Variants in EGFR observed in about 807,000 individuals in gnomAD.
EGFR encodes avian erythroblastic leukemia viral (v-erb-b) oncogene homolog.
EGFR carries 58 observed loss-of-function variants against 143.0 expected under a neutral mutation model. That is an observed-to-expected ratio of 0.41 (90% confidence interval 0.33 to 0.50). The LOEUF (loss-of-function observed/expected upper bound fraction) is 0.50, where lower values mean the gene tolerates loss of function less well. Among genes scored for constraint, EGFR ranks in the 20% least tolerant of loss-of-function variants. The pLI is 0.39. For missense variants in EGFR, 1,307 were observed against 1,579.0 expected (o/e 0.83, Z 2.92); for synonymous variants, 613 against 594.4 (o/e 1.03, Z -0.45).
intron 16 of EGFR, among the ~76,000 whole-genome samples, chr7:55,171,460 C>T (rs775896184): frequency 6.6e-6 from 1 of 152,208 alleles, no homozygotes; most frequent in Non-Finnish European, 1.5e-5. Context: ...CTCCCTGCTC[C>T]GCCGTTGCTC....
intron 16 of EGFR, among the ~76,000 whole-genome samples, chr7:55,171,461 G>A (rs957337221): frequency 4.6e-5 from 7 of 152,220 alleles, no homozygotes; most frequent in South Asian, 4.1e-4. Context: ...TCCCTGCTCC[G>A]CCGTTGCTCG....
chr7:55,123,138 C>T (rs1447880123), intron 1 of EGFR, among the ~76,000 whole-genome samples: 1 of 152,194 alleles, frequency 6.6e-6, no homozygotes, highest in Non-Finnish European at 1.5e-5. Context: ...TATTGAAAAT[C>T]ATCTACCTAA....
At position 55,205,761 on chromosome 7, in the gene EGFR, C is replaced by A; in HGVS notation, c.*144C>A. 7.7e-7 allele frequency: 1 copy of A among 1,291,028 alleles called. No individual in the cohort carries two copies. The highest frequency in any genetic ancestry group is 1.1e-6 in the Non-Finnish European group (1 of 913,770). The allele number at this position is 1,291,028 out of a possible 1,614,324, so 80.0% of individuals were successfully genotyped here. The stretch of plus-strand genomic sequence containing the variant: ...TTTTGCAACGTTTACACCGACTAGC[C>A]AGGAAGTACTTCCACCTCGGGCACA... On this transcript the variant is annotated 3_prime_UTR_variant, in exon 28 of 28. Coordinates refer to ENST00000275493, the MANE Select transcript of EGFR (RefSeq NM_005228.5).
intron 1 of EGFR, 34 bp downstream of exon 1, chr7:55,019,399 C>T (rs920425547): frequency 8.9e-6 from 12 of 1,345,456 alleles, no homozygotes; most frequent in African/African-American, 4.5e-5. Flanking sequence ...CCGCGCCGCC[C>T]CCGGATCGCG....
intron 20 of EGFR, among the ~76,000 whole-genome samples, chr7:55,188,334 G>A (rs1294335807): frequency 6.6e-6 from 1 of 152,098 alleles, no homozygotes; most frequent in African/African-American, 2.4e-5. Context: ...GTGGGGTGCG[G>A]CAGCCCCTGG....
chr7:55,187,939 C>T (rs540517148), intron 20 of EGFR, among the ~76,000 whole-genome samples: 1 of 152,254 alleles, frequency 6.6e-6, no homozygotes, highest in East Asian at 1.9e-4. Context: ...TCACCTTCTC[C>T]CTAGCTGTGG....
At chr7:55,163,332 G>A (rs1785798415) in intron 13 of EGFR, among the ~76,000 whole-genome samples, 1 of 152,180 alleles carries the variant, frequency 6.6e-6, no homozygotes, top group Non-Finnish European at 1.5e-5. Flanking sequence ...TAACCATTGA[G>A]CGAGTTCATT....
At chr7:55,132,808 CA>C (rs1793929635) in intron 1 of EGFR, among the ~76,000 whole-genome samples, 1 of 152,202 alleles carries the variant, frequency 6.6e-6, no homozygotes, top group Non-Finnish European at 1.5e-5. Flanking sequence ...TCATCCTTAG[CA>C]GCTACCTTCG....
chr7:55,062,658 G>A (rs1165964207), intron 1 of EGFR, among the ~76,000 whole-genome samples: 3 of 152,110 alleles, frequency 2.0e-5, no homozygotes, highest in African/African-American at 4.8e-5. Context: ...ATTACTGCAC[G>A]TTCCCATCGC....
At chr7:55,137,501 A>G (rs1207572772) in intron 1 of EGFR, among the ~76,000 whole-genome samples, 2 of 152,204 alleles carry the variant, frequency 1.3e-5, no homozygotes, top group Non-Finnish European at 2.9e-5. Context: ...AACCAGAGGC[A>G]TTTAAAAACT....
At chr7:55,171,743 T>A (rs1259023011) in intron 16 of EGFR, among the ~76,000 whole-genome samples, 2 of 152,178 alleles carry the variant, frequency 1.3e-5, no homozygotes, top group African/African-American at 4.8e-5. Context: ...AAAGCAAGGT[T>A]GAAAAGTCTT....
intron 1 of EGFR, among the ~76,000 whole-genome samples, chr7:55,062,722 T>C (rs1177929548): frequency 2.6e-5 from 4 of 152,180 alleles, no homozygotes; most frequent in Non-Finnish European, 5.9e-5. Context: ...GTTTCCTTTT[T>C]TCCCCTCCCC....
chr7:55,165,124 G>A (rs1471337824), intron 14 of EGFR, among the ~76,000 whole-genome samples, 156 bp from the exon 15 acceptor site: 2 of 152,220 alleles, frequency 1.3e-5, no homozygotes, highest in African/African-American at 4.8e-5. Context: ...TCAAGCAGGT[G>A]CAATCACAGA....
chr7:55,159,841 C>T (rs1785609040), intron 11 of EGFR, among the ~76,000 whole-genome samples: 1 of 152,188 alleles, frequency 6.6e-6, no homozygotes, highest in Admixed American at 6.5e-5. Flanking sequence ...AATATGTTCT[C>T]AATTTCCAGG....
chr7:55,198,146 G>T (rs1369934957), intron 22 of EGFR, among the ~76,000 whole-genome samples: 1 of 152,058 alleles, frequency 6.6e-6, no homozygotes, highest in Non-Finnish European at 1.5e-5. Flanking sequence ...TGTTTTGGTT[G>T]GTAGGCTATT....
intron 1 of EGFR, among the ~76,000 whole-genome samples, chr7:55,130,178 G>A (rs1164843716): frequency 6.6e-6 from 1 of 152,152 alleles, no homozygotes; most frequent in Non-Finnish European, 1.5e-5. Flanking sequence ...CAGGCCTGGG[G>A]CAGTAAAGAG....
chr7:55,058,850 G>T (rs1288177228), intron 1 of EGFR, among the ~76,000 whole-genome samples: 1 of 152,108 alleles, frequency 6.6e-6, no homozygotes, highest in Non-Finnish European at 1.5e-5. Flanking sequence ...TTTTTAAAAA[G>T]ATGCTATGCA....
intron 19 of EGFR, among the ~76,000 whole-genome samples, chr7:55,178,340 G>A (rs980751437): frequency 5.3e-5 from 8 of 152,188 alleles, no homozygotes. Context: ...TTAAATTTAG[G>A]GTAGGCAATG....
At chr7:55,078,950 T>C (rs913828301) in intron 1 of EGFR, among the ~76,000 whole-genome samples, 1 of 152,152 alleles carries the variant, frequency 6.6e-6, no homozygotes, top group Non-Finnish European at 1.5e-5. Flanking sequence ...TCCAGACCTC[T>C]TTCCCCACCC....
Sources: gnomAD v4.1 joint callset for allele counts (sites outside exome capture counted in the v4.1 genomes callset) on GRCh38, gnomAD v4.1.1 for gene constraint, MANE v1.5 for transcripts, NCBI Gene and HGNC (gene_info 2026-07-23, HGNC 2026-07-21) for gene names.